The following PRKG1 variants were observed in gnomAD, a reference collection of about 807,000 sequenced individuals.
PRKG1 encodes protein kinase cGMP-dependent 1.
In PRKG1, 35 loss-of-function variants were observed where a neutral mutation model predicts 88.1. That is an observed-to-expected ratio of 0.40 (90% CI 0.30 to 0.53). The LOEUF (loss-of-function observed/expected upper bound fraction) is 0.53. Ranked by LOEUF, PRKG1 falls within the 20% of genes least tolerant of loss-of-function variation. The pLI is 0.59. For synonymous variants in PRKG1, 303 were observed against 292.5 expected (o/e 1.04, Z -0.37); for missense variants, 540 against 839.8 (o/e 0.64, Z 4.41).
At chr10:51,685,967 A>G (rs1161306947) in intron 3 of PRKG1, among the ~76,000 whole-genome samples, 2 of 151,114 alleles carry the variant, frequency 1.3e-5, no homozygotes, top group African/African-American at 4.9e-5. Flanking sequence ...GATCAGTTTC[A>G]CAATCCTGCT....
chr10:52,176,312 A>G (rs1838866772), intron 9 of PRKG1, among the ~76,000 whole-genome samples: 1 of 151,642 alleles, frequency 6.6e-6, no homozygotes. Flanking sequence ...CTTTGTGAAA[A>G]ATCAGTTGGC....
At chr10:52,099,368 A>G (rs1398546914) in intron 7 of PRKG1, among the ~76,000 whole-genome samples, 1 of 152,184 alleles carries the variant, frequency 6.6e-6, no homozygotes, top group Non-Finnish European at 1.5e-5. Flanking sequence ...GAAGTACGAG[A>G]TGAATAATTT....
At chr10:51,040,497 T>G (rs1843407313) in intron 1 of PRKG1, among the ~76,000 whole-genome samples, 1 of 151,622 alleles carries the variant, frequency 6.6e-6, no homozygotes, top group African/African-American at 2.4e-5. Flanking sequence ...TTTTTGTATT[T>G]CTAGTAGAGA....
intron 1 of PRKG1, among the ~76,000 whole-genome samples, chr10:51,139,037 C>T (rs1475337663): frequency 6.6e-6 from 1 of 152,004 alleles, no homozygotes; most frequent in African/African-American, 2.4e-5. Flanking sequence ...CCACAGTAAG[C>T]GTTGTAGACT....
At chr10:51,933,007 G>A (rs543885975) in intron 5 of PRKG1, among the ~76,000 whole-genome samples, 1 of 152,176 alleles carries the variant, frequency 6.6e-6, no homozygotes, top group South Asian at 2.1e-4. Flanking sequence ...GAAATTTGTA[G>A]TCTAAACCAA....
chr10:51,714,697 G>A (rs903075839), intron 3 of PRKG1, among the ~76,000 whole-genome samples: 1 of 152,268 alleles, frequency 6.6e-6, no homozygotes, highest in East Asian at 1.9e-4. Flanking sequence ...GTCACTGAAA[G>A]ACTGATTTAT....
intron 2 of PRKG1, among the ~76,000 whole-genome samples, chr10:51,377,234 T>C (rs796325251): frequency 6.6e-6 from 1 of 152,204 alleles, no homozygotes; most frequent in East Asian, 1.9e-4. Context: ...GACAAACAAC[T>C]AATTCTATTT....
intron 2 of PRKG1, among the ~76,000 whole-genome samples, chr10:51,172,682 A>G (rs1365215093): frequency 5.2e-5 from 5 of 96,360 alleles, no homozygotes; most frequent in African/African-American, 1.6e-4. Context: ...CTATCTATCT[A>G]TCTATCTATC....
intron 5 of PRKG1, among the ~76,000 whole-genome samples, chr10:51,982,883 A>G (rs1479023704): frequency 6.6e-6 from 1 of 152,192 alleles, no homozygotes; most frequent in African/African-American, 2.4e-5. Context: ...GCCTGCCTCC[A>G]TGCAGGCAGT....
chr10:51,045,754 C>T (rs530435749), intron 1 of PRKG1, among the ~76,000 whole-genome samples: 41 of 152,178 alleles, frequency 2.7e-4, no homozygotes, highest in African/African-American at 8.9e-4. Flanking sequence ...ATATTTTCTA[C>T]CTTATTTTAG....
intron 2 of PRKG1, among the ~76,000 whole-genome samples, chr10:51,289,669 TGAGA>T (rs34176694): frequency 8.1e-5 from 12 of 148,372 alleles, no homozygotes; most frequent in Middle Eastern, 3.2e-3. Flanking sequence ...GTAGATTCCA[TGAGA>T]GAGAGAGAGA....
At chr10:51,433,340 A>T (rs978045016) in intron 2 of PRKG1, among the ~76,000 whole-genome samples, 3 of 152,124 alleles carry the variant, frequency 2.0e-5, no homozygotes, top group Admixed American at 6.6e-5. Context: ...AAATCAGATG[A>T]AACATGCTGT....
intron 5 of PRKG1, among the ~76,000 whole-genome samples, chr10:51,998,219 G>A (rs1032106339): frequency 2.6e-5 from 4 of 151,484 alleles, no homozygotes; most frequent in Non-Finnish European, 5.9e-5. Context: ...TGTTTGTTTT[G>A]CTTTGTTTTT....
intron 17 of PRKG1, among the ~76,000 whole-genome samples, chr10:52,291,766 C>A (rs1842253419): frequency 6.6e-6 from 1 of 151,720 alleles, no homozygotes; most frequent in Admixed American, 6.6e-5. Context: ...GGGTATATAC[C>A]CAGTAATGGG....
intron 4 of PRKG1, among the ~76,000 whole-genome samples, chr10:51,823,866 CTTTTTTTTTTTTTTT>C (rs5784887): frequency 3.8e-5 from 3 of 78,734 alleles, no homozygotes; most frequent in African/African-American, 1.5e-4. Context: ...TTTCTCTCTC[CTTTTTTTTTTTTTTT>C]TTTTTTTTTT....
chr10:51,174,177 G>A (rs1383540955), intron 2 of PRKG1, among the ~76,000 whole-genome samples: 1 of 151,842 alleles, frequency 6.6e-6, no homozygotes, highest in Non-Finnish European at 1.5e-5. Flanking sequence ...AAAACATCAT[G>A]TTGGGCACTA....
intron 3 of PRKG1, among the ~76,000 whole-genome samples, chr10:51,661,839 T>A (rs902511703): frequency 3.5e-4 from 53 of 152,092 alleles, no homozygotes; most frequent in Non-Finnish European, 1.8e-4. Flanking sequence ...CAAATGTCCA[T>A]CAATGACAGA....
intron 4 of PRKG1, among the ~76,000 whole-genome samples, chr10:51,869,704 A>G (rs10823769): frequency 0.18 from 27,518 of 152,028 alleles, 3,073 homozygotes; most frequent in East Asian, 0.46. Flanking sequence ...AATTATGAAG[A>G]GAGAAAGGAG....
At chr10:51,115,518 G>A (rs150615394) in intron 1 of PRKG1, among the ~76,000 whole-genome samples, 1,592 of 150,912 alleles carry the variant, frequency 0.011, 19 homozygotes, top group Non-Finnish European at 0.017. Flanking sequence ...ATAAATGAAT[G>A]TGAGGGGGTA....
Sources: gnomAD v4.1 joint callset for allele counts (sites outside exome capture counted in the v4.1 genomes callset) on GRCh38, gnomAD v4.1.1 for gene constraint, MANE v1.5 for transcripts, NCBI Gene and HGNC (gene_info 2026-07-23, HGNC 2026-07-21) for gene names.